The following FAAH2 variants were observed in gnomAD, a reference collection of about 807,000 sequenced individuals.
The protein encoded by FAAH2 is fatty acid amide hydrolase 2, also known as fatty-acid amide hydrolase 2.
A neutral mutation model predicts 36.9 loss-of-function variants in FAAH2; 60 were observed. The ratio of observed to expected loss-of-function variants is 1.63; its 90% CI spans 1.32 to 2.02. The LOEUF is 2.02. Among genes scored for constraint, FAAH2 ranks in the 30% most tolerant of loss-of-function variants. The pLI is 0.00. For synonymous variants in FAAH2, 214 were observed against 143.8 expected, an observed-to-expected ratio of 1.49 and a Z score of -3.49; for missense variants, 689 against 397.5, an observed-to-expected ratio of 1.73 and a Z score of -6.23.
intron 5 of FAAH2, among the ~76,000 whole-genome samples, chrX:57,350,665 G>T (rs946941456): frequency 9.0e-6 from 1 of 110,748 alleles, no homozygotes; most frequent in Admixed American, 9.6e-5. Flanking sequence ...TAGAAAAAAT[G>T]GTCCTTCCAA....
chrX:57,124,770 T>C, the FAAH2 span, among the ~76,000 whole-genome samples: 1 of 111,950 alleles, frequency 8.9e-6, no homozygotes, highest in Admixed American at 9.5e-5. Context: ...GAAGCAGTTG[T>C]GAATGAGAGT....
At chrX:57,443,893 G>A (rs1268503979) in intron 8 of FAAH2, among the ~76,000 whole-genome samples, 1 of 112,098 alleles carries the variant, frequency 8.9e-6, no homozygotes, top group Non-Finnish European at 1.9e-5. Flanking sequence ...CACTCTGTTT[G>A]CCTGGGTATC....
intron 1 of FAAH2, chrX:57,290,185 C>A: frequency 1.6e-6 from 1 of 643,200 alleles, no homozygotes; most frequent in Non-Finnish European, 1.9e-6. Flanking sequence ...TTAACTTCTA[C>A]CTCTAACCCC....
intron 3 of FAAH2, among the ~76,000 whole-genome samples, chrX:57,329,595 T>C (rs746146975): frequency 2.3e-4 from 25 of 108,839 alleles, no homozygotes; most frequent in African/African-American, 7.4e-4. Flanking sequence ...CACACAATTA[T>C]GTGTGCTGGT....
At chrX:57,143,120 G>C in the FAAH2 span, among the ~76,000 whole-genome samples, 6 of 110,865 alleles carry the variant, frequency 5.4e-5, no homozygotes, top group Non-Finnish European at 1.1e-4. Flanking sequence ...TATTATTACG[G>C]ATAGGTAAGG....
chrX:57,236,346 T>C, the FAAH2 span, among the ~76,000 whole-genome samples: 8 of 112,309 alleles, frequency 7.1e-5, no homozygotes, highest in Admixed American at 5.6e-4. Flanking sequence ...TAAATATCTT[T>C]CCATATAAAC....
upstream of FAAH2, among the ~76,000 whole-genome samples, chrX:57,283,469 C>T (rs373840581): frequency 3.6e-5 from 4 of 110,872 alleles, no homozygotes; most frequent in East Asian, 2.9e-4. Flanking sequence ...GAGTAAAGCC[C>T]TCAGGATCTT....
At chrX:57,207,883 C>T in the FAAH2 span, among the ~76,000 whole-genome samples, 67 of 112,933 alleles carry the variant, frequency 5.9e-4, no homozygotes, top group African/African-American at 2.1e-3. Flanking sequence ...AGGGGACAGA[C>T]ATTGTACAGG....
chrX:57,208,154 T>C, the FAAH2 span, among the ~76,000 whole-genome samples: 1 of 112,307 alleles, frequency 8.9e-6, no homozygotes, highest in Non-Finnish European at 1.9e-5. Context: ...GTAACTACTT[T>C]CACCCAGTAT....
At chrX:57,160,448 T>C in the FAAH2 span, among the ~76,000 whole-genome samples, 1 of 111,937 alleles carries the variant, frequency 8.9e-6, no homozygotes, top group Admixed American at 9.5e-5. Flanking sequence ...TGGTAGAATT[T>C]GGCTGTGAAT....
At chrX:57,237,653 C>G in the FAAH2 span, among the ~76,000 whole-genome samples, 1 of 110,682 alleles carries the variant, frequency 9.0e-6, no homozygotes, top group Admixed American at 9.6e-5. Context: ...CAAATGAAGT[C>G]TAATCAATCT....
chrX:57,405,275 T>C (rs1028259607), intron 7 of FAAH2, among the ~76,000 whole-genome samples: 3 of 111,480 alleles, frequency 2.7e-5, no homozygotes, highest in African/African-American at 9.8e-5. Context: ...AAGCCTCGTG[T>C]TCTCTGACCT....
At chrX:57,397,363 T>A (rs994032442) in intron 7 of FAAH2, among the ~76,000 whole-genome samples, 5 of 112,107 alleles carry the variant, frequency 4.5e-5, no homozygotes, top group African/African-American at 1.6e-4. Context: ...GATCTGTGAG[T>A]TTTGCTCATG....
chrX:57,156,307 G>A, the FAAH2 span, among the ~76,000 whole-genome samples: 2 of 111,733 alleles, frequency 1.8e-5, no homozygotes, highest in South Asian at 3.7e-4. Context: ...AGTTCATTGA[G>A]CTTCCACAAA....
chrX:57,227,289 G>C, the FAAH2 span, among the ~76,000 whole-genome samples: 1 of 111,233 alleles, frequency 9.0e-6, no homozygotes, highest in South Asian at 3.8e-4. Context: ...CTGTCAGAGG[G>C]AAGGTCTAGG....
chrX:57,199,336 G>T, the FAAH2 span, among the ~76,000 whole-genome samples: 1 of 110,390 alleles, frequency 9.1e-6, no homozygotes, highest in East Asian at 2.8e-4. Context: ...AATTTTTTTA[G>T]TAACCCACTG....
intron 7 of FAAH2, among the ~76,000 whole-genome samples, chrX:57,431,655 A>G (rs1395972289): frequency 9.0e-6 from 1 of 111,345 alleles, no homozygotes; most frequent in East Asian, 2.8e-4. Context: ...CAGAAATGAC[A>G]TGAAATTTTC....
At chrX:57,226,887 T>C in the FAAH2 span, among the ~76,000 whole-genome samples, 2 of 112,249 alleles carry the variant, frequency 1.8e-5, no homozygotes, top group Non-Finnish European at 3.8e-5. Flanking sequence ...TTGGGTTAAT[T>C]CAAAGACTTT....
Position 57,349,657 on chromosome X carries a change from G to A in FAAH2, c.742+8267G>A, listed in dbSNP as rs781386732. 3.7e-5 allele frequency among the ~76,000 whole-genome samples: 4 copies of A among 107,181 alleles called. No individual in the cohort carries two copies. The South Asian group carries it at 1.6e-3, about 42-fold the overall frequency. The allele number at this position is 107,181 out of a possible 115,157, so 93.1% of individuals were successfully genotyped here. A position where few individuals can be genotyped will look rare whatever the true frequency, so the allele number is the denominator to read the frequency against. ...CAAAAATAGACTATACAAAATAGAA[G>A]AAAAACACTTACAACTTAAAGAAAG... On this transcript the variant is annotated intron_variant, in intron 5 of 10. Transcript: ENST00000374900.
Sources: allele counts gnomAD v4.1 joint callset (sites outside exome capture counted in the v4.1 genomes callset), GRCh38; gene constraint gnomAD v4.1.1; transcripts MANE v1.5; gene names NCBI Gene and HGNC (gene_info 2026-07-23, HGNC 2026-07-21).